PCDHGA5: variants seen among roughly 807,000 people sequenced by gnomAD.
PCDHGA5 encodes protocadherin gamma subfamily A, 5, also known as protocadherin gamma-A5.
PCDHGA5 carries 36 observed loss-of-function variants against 56.7 expected under a neutral mutation model. The observed-to-expected ratio is 0.64, with a 90% CI of 0.49 to 0.84. The LOEUF is 0.84. Among genes scored for constraint, PCDHGA5 ranks in the 40% least tolerant of loss-of-function variants. The pLI, the probability that PCDHGA5 is intolerant of heterozygous loss-of-function variation, is 0.00. For synonymous variants in PCDHGA5, 563 were observed against 520.2 expected (o/e 1.08, Z -1.12); for missense variants, 1,305 against 1,201.5 (o/e 1.09, Z -1.27).
In PCDHGA5 at chr5:141,403,920, A is replaced by T. The variant is rs1470961343; in HGVS notation, c.2421+37169A>T. 8.1e-6 allele frequency: 13 copies of T among 1,613,904 alleles called. No homozygotes were observed. Among genetic ancestry groups the T allele is most frequent in the Non-Finnish European group, 1.1e-5 (13 of 1,179,882 alleles). On this transcript the variant is annotated intron_variant, in intron 1 of 3. Transcript: ENST00000518069. ...TATGAAATGGAAATACAAGCTGAAG[A>T]TGGTGGGGGATTGAAAGGGTGGACA...
intron 1 of PCDHGA5, chr5:141,370,394 G>A (rs758929639): frequency 1.3e-6 from 2 of 1,547,668 alleles, no homozygotes; most frequent in African/African-American, 1.4e-5. Flanking sequence ...CAGAGAGCGG[G>A]ATGGGAAATA....
At chr5:141,424,700 T>C (rs1359856009) in intron 1 of PCDHGA5, 3 of 152,228 alleles carry the variant, frequency 2.0e-5, no homozygotes, top group African/African-American at 7.2e-5. Context: ...TATTTTTTTG[T>C]TCATTTTCAG....
Position 141,371,988 on chromosome 5 carries a change from C to T in PCDHGA5, c.2421+5237C>T, listed in dbSNP as rs1283820650. 4 of 1,613,144 alleles carry T rather than the reference C, an allele frequency of 2.5e-6. No homozygotes were observed. The African/African-American group carries it at 5.3e-5, about 22-fold the overall frequency. The stretch of plus-strand genomic sequence containing the variant: ...GCAGCTGCGTGCCTTCGAGCTCACT[C>T]TGCAGGCCCGCGACCAGGGCTCGCC... On this transcript the variant is annotated intron_variant, in intron 1 of 3. Coordinates refer to ENST00000518069, the MANE Select transcript of PCDHGA5 (RefSeq NM_018918.3).
In PCDHGA5 at chr5:141,432,115, C is replaced by G. The variant is rs753088299; in HGVS notation, c.2422-62692C>G. On this transcript the variant is annotated intron_variant, in intron 1 of 3. Transcript: ENST00000518069. This position sits in a 1 kb window ranked among gnomAD's most constrained non-coding sequence, Gnocchi z 6.0. ...ACACCAACGACAACCCGCCGGTCTT[C>G]CCTCAGGCCTCCTATTCCGCTTATA... The G allele has an allele frequency of 1.2e-5, 20 of 1,614,178 alleles. No individual in the cohort carries two copies. Among genetic ancestry groups the G allele is most frequent in the Non-Finnish European group, 1.6e-5 (19 of 1,180,050 alleles).
In PCDHGA5 at chr5:141,431,628, A is replaced by C. The variant is rs1204083567; in HGVS notation, c.2422-63179A>C. Reference sequence around the variant, plus strand: ...CGGTATGTGGACGACAAGGCGGCCCAAGTTTTCAAACTAGATTGTAATTCA... The same window carrying C: ...CGGTATGTGGACGACAAGGCGGCCCCAGTTTTCAAACTAGATTGTAATTCA... On this transcript the variant is annotated intron_variant, in intron 1 of 3. Coordinates refer to ENST00000518069, the MANE Select transcript of PCDHGA5 (RefSeq NM_018918.3). The surrounding 1 kb of genome is among the most constrained non-coding windows in gnomAD (Gnocchi z 4.8). 1 of 1,614,256 alleles carries C rather than the reference A, an allele frequency of 6.2e-7. No individual in the cohort carries two copies. The highest frequency in any genetic ancestry group is 8.5e-7 in the Non-Finnish European group (1 of 1,180,050).
At chr5:141,389,014 A>G (rs768171301) in intron 1 of PCDHGA5, 54 of 1,614,000 alleles carry the variant, frequency 3.3e-5, no homozygotes, top group Non-Finnish European at 4.5e-5. Flanking sequence ...TCCAGACACA[A>G]TGGAGAAGTG....
chr5:141,374,348 A>G (rs756876853), intron 1 of PCDHGA5: 4 of 1,614,028 alleles, frequency 2.5e-6, no homozygotes, highest in Middle Eastern at 1.6e-4. Context: ...CACCGCGGGT[A>G]GGATAGACCG....
In PCDHGA5 at chr5:141,365,161, G is replaced by C; in HGVS notation, c.831G>C (p.Leu277Phe). 1 of 1,613,928 alleles carries C rather than the reference G, an allele frequency of 6.2e-7. No homozygotes were observed. The highest frequency in any genetic ancestry group is 1.7e-5 in the Admixed American group (1 of 60,022). ...CAGATGAGGGAATAAACGGGAAATTGACCTACTCTTTTCGCAATGAAGAAG... is the reference window on the plus strand; with the variant it reads ...CAGATGAGGGAATAAACGGGAAATTCACCTACTCTTTTCGCAATGAAGAAG... ...TDPDEGINGK[L>F]TYSFRNEEEK... Residue 277 changes from leucine (L) to phenylalanine (F), a missense_variant, in exon 1 of 4, where the codon TTG becomes TTC. Transcript: ENST00000518069.
chr5:141,423,149 A>G (rs763488632), intron 1 of PCDHGA5: 2 of 1,613,554 alleles, frequency 1.2e-6, no homozygotes, highest in Non-Finnish European at 8.5e-7. Context: ...GCGCTCAAGC[A>G]GAGCCTCGTG....
At position 141,490,258 on chromosome 5, in the gene PCDHGA5, G is replaced by A. The variant is rs776865457; in HGVS notation, c.2422-4549G>A. Reference sequence around the variant, plus strand: ...GGGCCACTGTGTGATTCAAGTGGATGTGGGGGATGTCAATGACAATGCCCC... The same window carrying A: ...GGGCCACTGTGTGATTCAAGTGGATATGGGGGATGTCAATGACAATGCCCC... On this transcript the variant is annotated intron_variant, in intron 1 of 3. Transcript: ENST00000518069. The surrounding 1 kb of genome is among the most constrained non-coding windows in gnomAD (Gnocchi z 5.4). 6.2e-7 allele frequency: 1 copy of A among 1,614,136 alleles called. No homozygotes were observed.
rs267600453 is a variant in PCDHGA5 at position 141,364,955 on chromosome 5, G to T, written c.625G>T (p.Asp209Tyr). Residue 209 changes from aspartate (D) to tyrosine (Y), a missense_variant, in exon 1 of 4, where the codon GAC becomes TAC. Physicochemically the swap from Asp to Tyr is radical, Grantham distance 160 (BLOSUM62 -3). Transcript: ENST00000518069. ...AGACCGCGAGAAAGAGACTGTTCACGACCTCCTCCTCACAGCTTTAGATGG... is the reference window on the plus strand; with the variant it reads ...AGACCGCGAGAAAGAGACTGTTCACTACCTCCTCCTCACAGCTTTAGATGG... Reference protein sequence around the residue: ...PLDREKETVHDLLLTALDGGD... With the variant: ...PLDREKETVHYLLLTALDGGD... The T allele has an allele frequency of 6.2e-7, 1 of 1,613,906 alleles. No homozygotes were observed. The highest frequency in any genetic ancestry group is 2.2e-5 in the East Asian group (1 of 44,880).
At chr5:141,406,836 TC>T (rs2094857566) in intron 1 of PCDHGA5, among the ~76,000 whole-genome samples, 1 of 152,232 alleles carries the variant, frequency 6.6e-6, no homozygotes, top group Non-Finnish European at 1.5e-5. Context: ...AACTTGCATA[TC>T]AGATATAATT....
intron 1 of PCDHGA5, chr5:141,395,711 G>A (rs2093302364): frequency 1.3e-5 from 2 of 154,440 alleles, no homozygotes; most frequent in African/African-American, 4.8e-5. Context: ...CCTGTAACTA[G>A]GCTCTTGTAG....
rs1257565821 is a variant in PCDHGA5, at chr5:141,487,319, C to G, written c.2422-7488C>G. ...ATTCGTGGCACTACTCTCTAAGTGTCTTCGTGGGGCAGCCTGTGGAGTCAC... is the reference window on the plus strand; with the variant it reads ...ATTCGTGGCACTACTCTCTAAGTGTGTTCGTGGGGCAGCCTGTGGAGTCAC... On this transcript the variant is annotated intron_variant, in intron 1 of 3. Transcript: ENST00000518069. The surrounding 1 kb of genome is among the most constrained non-coding windows in gnomAD (Gnocchi z 5.0). The G allele has an allele frequency of 6.2e-7, 1 of 1,614,052 alleles. No homozygotes were observed. The highest frequency in any genetic ancestry group is 1.3e-5 in the African/African-American group (1 of 74,930).
intron 3 of PCDHGA5, among the ~76,000 whole-genome samples, chr5:141,509,686 G>A (rs1350812680): frequency 6.6e-6 from 1 of 152,212 alleles, no homozygotes; most frequent in Non-Finnish European, 1.5e-5. Flanking sequence ...CTTCTGTACA[G>A]TGGGACGTTG....
intron 2 of PCDHGA5, among the ~76,000 whole-genome samples, chr5:141,505,119 G>A (rs371973470): frequency 3.1e-4 from 47 of 152,210 alleles, no homozygotes; most frequent in African/African-American, 1.0e-3. Flanking sequence ...CCAAGATCGC[G>A]CCACTGCACT....
At chr5:141,467,630 T>A (rs1483747040) in intron 1 of PCDHGA5, among the ~76,000 whole-genome samples, 2 of 152,194 alleles carry the variant, frequency 1.3e-5, no homozygotes, top group African/African-American at 4.8e-5. Flanking sequence ...TGAGATAGCA[T>A]CTTTATCATG....
At chr5:141,498,105 G>A (rs150297456) in intron 2 of PCDHGA5, among the ~76,000 whole-genome samples, 4 of 152,206 alleles carry the variant, frequency 2.6e-5, no homozygotes, top group African/African-American at 9.7e-5. Flanking sequence ...TGGTGTGGGC[G>A]TATAATAGGG....
chr5:141,404,497 T>C, intron 1 of PCDHGA5: 1 of 1,613,930 alleles, frequency 6.2e-7, no homozygotes, highest in Non-Finnish European at 8.5e-7. Context: ...GTGTGCTGTA[T>C]GCTCTGTGCT....
Sources: gnomAD v4.1 joint callset for allele counts (sites outside exome capture counted in the v4.1 genomes callset) on GRCh38, gnomAD v4.1.1 for gene constraint, Gnocchi (gnomAD v3.1) non-coding constraint, MANE v1.5 for transcripts, NCBI Gene and HGNC (gene_info 2026-07-23, HGNC 2026-07-21) for gene names.